Variants in DCC observed in about 807,000 individuals in gnomAD.
DCC encodes the protein netrin receptor DCC.
A neutral mutation model predicts 172.5 loss-of-function variants in DCC; 58 were observed. The ratio of observed to expected loss-of-function variants is 0.34; its 90% CI spans 0.27 to 0.42. The LOEUF (loss-of-function observed/expected upper bound fraction) is 0.42, where lower values mean the gene tolerates loss of function less well. Ranked by LOEUF, DCC falls within the 10% of genes least tolerant of loss-of-function variation. DCC has a pLI of 1.00. For missense variants in DCC, 1,740 were observed against 1,791.0 expected (o/e 0.97, Z 0.51); for synonymous variants, 709 against 644.5 (o/e 1.10, Z -1.52).
intron 1 of DCC, among the ~76,000 whole-genome samples, chr18:52,483,542 T>C (rs536657811): frequency 5.3e-5 from 8 of 152,254 alleles, no homozygotes; most frequent in African/African-American, 1.9e-4. Context: ...TTGTAAATCA[T>C]ACTTCTTGAA....
At chr18:52,585,818 T>C (rs2033656494) in intron 1 of DCC, among the ~76,000 whole-genome samples, 1 of 152,154 alleles carries the variant, frequency 6.6e-6, no homozygotes, top group Admixed American at 6.5e-5. Flanking sequence ...GCGCGGTGGC[T>C]CACGCCTGTA....
chr18:52,473,603 C>T (rs192347466), intron 1 of DCC, among the ~76,000 whole-genome samples: 1 of 152,184 alleles, frequency 6.6e-6, no homozygotes, highest in Non-Finnish European at 1.5e-5. Flanking sequence ...ATTGAGTGCC[C>T]AGTGAAGGGG....
intron 1 of DCC, among the ~76,000 whole-genome samples, chr18:52,554,242 C>T (rs1472280022): frequency 1.3e-5 from 2 of 151,982 alleles, no homozygotes; most frequent in African/African-American, 4.8e-5. Flanking sequence ...TAAAGGAATG[C>T]CCAAAGGATG....
chr18:52,497,853 G>T (rs1030321933), intron 1 of DCC, among the ~76,000 whole-genome samples: 1 of 152,142 alleles, frequency 6.6e-6, no homozygotes, highest in South Asian at 2.1e-4. Flanking sequence ...ATTGTAACAA[G>T]ATCTCCAGGT....
intron 7 of DCC, among the ~76,000 whole-genome samples, chr18:53,087,715 C>G (rs1450650447): frequency 1.3e-5 from 2 of 151,982 alleles, no homozygotes; most frequent in Non-Finnish European, 1.5e-5. Flanking sequence ...AGGTTTTCTT[C>G]TAGGGTTTTT....
At chr18:53,057,594 A>G (rs1285882470) in intron 5 of DCC, among the ~76,000 whole-genome samples, 3 of 152,242 alleles carry the variant, frequency 2.0e-5, no homozygotes, top group African/African-American at 7.2e-5. Flanking sequence ...ATTTTATTCC[A>G]GAGAAGGAAA....
At position 53,490,810 on chromosome 18, in the gene DCC, G is replaced by A. The variant is rs182239779; in HGVS notation, c.3898+3852G>A. On this transcript the variant is annotated intron_variant, in intron 26 of 28. Transcript: ENST00000442544. ...CTATTGTATTTGTTAAAGGGTTTTT[G>A]CTGCCTTAAGTGTCAGGCAGTTCCA... Among the ~76,000 whole-genome samples the A allele has an allele frequency of 3.2e-4, 48 of 152,264 alleles. 1 individual carries two copies. The highest frequency in any genetic ancestry group is 1.2e-3 in the African/African-American group (48 of 41,566).
chr18:52,761,845 C>T (rs1424845654), intron 2 of DCC, among the ~76,000 whole-genome samples: 2 of 142,418 alleles, frequency 1.4e-5, no homozygotes, highest in Admixed American at 7.3e-5. Context: ...GGAGGCAGAG[C>T]TTGCAGTGAG....
intron 1 of DCC, among the ~76,000 whole-genome samples, chr18:52,586,203 G>A (rs1443047030): frequency 2.0e-5 from 3 of 150,136 alleles, no homozygotes; most frequent in African/African-American, 7.4e-5. Flanking sequence ...CAATAATAAT[G>A]TTTAACAAAT....
chr18:52,963,344 G>A (rs945709805), intron 5 of DCC, among the ~76,000 whole-genome samples: 5 of 151,790 alleles, frequency 3.3e-5, no homozygotes, highest in Admixed American at 3.3e-4. Context: ...TTTTCTAGGA[G>A]AATGATATTA....
intron 5 of DCC, among the ~76,000 whole-genome samples, chr18:52,961,625 C>T (rs5002782): frequency 6.6e-6 from 1 of 152,176 alleles, no homozygotes; most frequent in African/African-American, 2.4e-5. Flanking sequence ...TGCACAAATA[C>T]ATTGATGCAT....
intron 12 of DCC, among the ~76,000 whole-genome samples, chr18:53,224,088 A>C (rs1287881779): frequency 5.9e-5 from 9 of 152,200 alleles, no homozygotes; most frequent in Admixed American, 5.9e-4. Context: ...ATTCTAATAC[A>C]TGGAAATAGA....
At chr18:53,448,548 G>A (rs1912775087) in intron 22 of DCC, among the ~76,000 whole-genome samples, 1 of 152,140 alleles carries the variant, frequency 6.6e-6, no homozygotes, top group South Asian at 2.1e-4. Context: ...TTTAGGTGGG[G>A]ATGCAGCCAA....
intron 1 of DCC, among the ~76,000 whole-genome samples, chr18:52,485,846 T>A (rs890644454): frequency 6.6e-6 from 1 of 152,140 alleles, no homozygotes; most frequent in Non-Finnish European, 1.5e-5. Context: ...ATCTGTGAAA[T>A]TAATCAAAAA....
At chr18:52,710,484 G>A (rs1482092317) in intron 1 of DCC, among the ~76,000 whole-genome samples, 1 of 152,178 alleles carries the variant, frequency 6.6e-6, no homozygotes, top group Non-Finnish European at 1.5e-5. Flanking sequence ...GCAAGCGTGT[G>A]CACACTTGCA....
intron 2 of DCC, among the ~76,000 whole-genome samples, chr18:52,896,882 GT>G (rs34593299): frequency 0.82 from 124,563 of 151,956 alleles, 51,653 homozygotes; most frequent in Middle Eastern, 0.92. Flanking sequence ...GATTTACTGG[GT>G]TGATTCTGTG....
At chr18:52,683,519 A>T (rs571717847) in intron 1 of DCC, among the ~76,000 whole-genome samples, 2 of 152,196 alleles carry the variant, frequency 1.3e-5, no homozygotes, top group Admixed American at 1.3e-4. Flanking sequence ...ATATTGATTG[A>T]ACTCAACTGA....
At chr18:53,352,077 C>A (rs1037858938) in intron 15 of DCC, among the ~76,000 whole-genome samples, 1 of 151,962 alleles carries the variant, frequency 6.6e-6, no homozygotes, top group African/African-American at 2.4e-5. Context: ...TCAGAACTTG[C>A]AGATAGAGCA....
chr18:52,727,490 T>C (rs567024196), intron 1 of DCC, among the ~76,000 whole-genome samples: 1 of 152,330 alleles, frequency 6.6e-6, no homozygotes, highest in Admixed American at 6.5e-5. Flanking sequence ...ATTTGCTTTG[T>C]TCATCTCAGA....
Sources: allele counts gnomAD v4.1 joint callset (sites outside exome capture counted in the v4.1 genomes callset), GRCh38; gene constraint gnomAD v4.1.1; transcripts MANE v1.5; gene names NCBI Gene and HGNC (gene_info 2026-07-23, HGNC 2026-07-21).